PTBP2: variants seen among roughly 807,000 people sequenced by gnomAD.
The protein encoded by PTBP2 is polypyrimidine tract binding protein 2, also known as polypyrimidine tract-binding protein 2.
Under a neutral mutation model 61.4 loss-of-function variants are expected in PTBP2, and 13 were observed. That is an observed-to-expected ratio of 0.21 (90% CI 0.14 to 0.34). The LOEUF is 0.34. Ranked by LOEUF, PTBP2 falls within the 10% of genes least tolerant of loss-of-function variation. The pLI is 1.00. For missense variants in PTBP2, 405 were observed against 642.6 expected (o/e 0.63, Z 4.00); for synonymous variants, 215 against 218.5 (o/e 0.98, Z 0.14).
downstream of PTBP2, chr1:96,816,408 A>C (rs1174589755): frequency 2.6e-5 from 4 of 152,214 alleles, no homozygotes; most frequent in Admixed American, 1.3e-4. Flanking sequence ...CTTAGGACTT[A>C]GCTGCTTTGT....
At chr1:96,794,461 G>A (rs554306184) in intron 8 of PTBP2, among the ~76,000 whole-genome samples, 1 of 152,280 alleles carries the variant, frequency 6.6e-6, no homozygotes, top group South Asian at 2.1e-4. Context: ...TTTCCAGGGA[G>A]GTAAAGGTTA....
intron 10 of PTBP2, 53 bp downstream of exon 10, chr1:96,806,505 C>T (rs1323519874): frequency 1.3e-5 from 20 of 1,534,968 alleles, no homozygotes; most frequent in South Asian, 3.4e-5. Context: ...TTTGTTTCAC[C>T]TTAATTCTTA....
intron 3 of PTBP2, among the ~76,000 whole-genome samples, chr1:96,762,534 G>A (rs1426136677): frequency 5.5e-5 from 8 of 146,458 alleles, no homozygotes; most frequent in African/African-American, 1.5e-4. Context: ...GCGGCTGGCC[G>A]GGCTGGGGGC....
chr1:96,798,521 C>T (rs547855590), intron 8 of PTBP2, among the ~76,000 whole-genome samples: 6 of 152,140 alleles, frequency 3.9e-5, no homozygotes, highest in African/African-American at 1.4e-4. Flanking sequence ...AGAAGTAAGA[C>T]CAAAAGAAAT....
chr1:96,787,144 C>T (rs1233103081), intron 8 of PTBP2, among the ~76,000 whole-genome samples: 1 of 152,186 alleles, frequency 6.6e-6, no homozygotes, highest in African/African-American at 2.4e-5. Flanking sequence ...CCTCAGCCTC[C>T]TGAGCATCTG....
At chr1:96,787,569 C>CTA (rs1659351645) in intron 8 of PTBP2, among the ~76,000 whole-genome samples, 1 of 151,996 alleles carries the variant, frequency 6.6e-6, no homozygotes, top group Non-Finnish European at 1.5e-5. Context: ...GGCTTTTTAA[C>CTA]TATACTCAAA....
chr1:96,793,572 C>T (rs547656241), intron 8 of PTBP2, among the ~76,000 whole-genome samples: 33 of 152,052 alleles, frequency 2.2e-4, no homozygotes, highest in African/African-American at 7.2e-4. Context: ...AGGCTTTCAC[C>T]GTGTTAGCCA....
At chr1:96,802,892 T>C (rs1471012917) in intron 8 of PTBP2, among the ~76,000 whole-genome samples, 1 of 152,220 alleles carries the variant, frequency 6.6e-6, no homozygotes, top group East Asian at 1.9e-4. Flanking sequence ...TCAAATATTC[T>C]GTGCATTCAG....
chr1:96,723,071 AAC>A (rs1649852502), intron 1 of PTBP2, among the ~76,000 whole-genome samples: 1 of 152,208 alleles, frequency 6.6e-6, no homozygotes, highest in Non-Finnish European at 1.5e-5. Context: ...TATAAAAGTT[AAC>A]ACAGTCTCAC....
chr1:96,762,385 CG>C (rs1301628265), intron 3 of PTBP2, among the ~76,000 whole-genome samples: 4 of 148,622 alleles, frequency 2.7e-5, no homozygotes, highest in Non-Finnish European at 6.0e-5. Flanking sequence ...GGCGGCTGGC[CG>C]GGCGGGGGGC....
chr1:96,743,360 G>A (rs1157849494), intron 2 of PTBP2, among the ~76,000 whole-genome samples: 2 of 151,930 alleles, frequency 1.3e-5, no homozygotes, highest in African/African-American at 4.8e-5. Flanking sequence ...ATGTAAACAA[G>A]TTTACCTGAA....
intron 3 of PTBP2, among the ~76,000 whole-genome samples, chr1:96,752,176 T>C (rs1654630655): frequency 6.6e-6 from 1 of 152,112 alleles, no homozygotes; most frequent in Non-Finnish European, 1.5e-5. Context: ...TGTTTAGTTT[T>C]GCTTGAATTG....
intron 8 of PTBP2, among the ~76,000 whole-genome samples, chr1:96,791,826 C>CTTTTTTTTTTTTTTTTTTTGT (rs1659839308): frequency 9.1e-5 from 6 of 66,126 alleles, no homozygotes; most frequent in African/African-American, 3.3e-4. Flanking sequence ...TGGAGTTGTG[C>CTTTTTTTTTTTTTTTTTTTGT]TTTTTTTTTT....
At chr1:96,777,043 T>G (rs372790890) in intron 5 of PTBP2, among the ~76,000 whole-genome samples, 7 of 152,202 alleles carry the variant, frequency 4.6e-5, no homozygotes, top group African/African-American at 9.6e-5. Context: ...GGTTTTGGAC[T>G]AGACTACACG....
chr1:96,764,029 T>G (rs1224361000), intron 3 of PTBP2, among the ~76,000 whole-genome samples: 3 of 152,360 alleles, frequency 2.0e-5, no homozygotes, highest in East Asian at 3.9e-4. Context: ...CAGGATTTCA[T>G]TTTTATGTTC....
At chr1:96,727,357 A>G (rs1216754508) in intron 2 of PTBP2, among the ~76,000 whole-genome samples, 1 of 151,766 alleles carries the variant, frequency 6.6e-6, no homozygotes, top group Non-Finnish European at 1.5e-5. Flanking sequence ...AGTTGTGAAC[A>G]TTACTGTACA....
At chr1:96,788,384 TTTC>T (rs1659431702) in intron 8 of PTBP2, among the ~76,000 whole-genome samples, 1 of 152,048 alleles carries the variant, frequency 6.6e-6, no homozygotes, top group Non-Finnish European at 1.5e-5. Context: ...AAGACACAAT[TTTC>T]TTCTTCATAC....
intron 7 of PTBP2, among the ~76,000 whole-genome samples, chr1:96,784,555 T>A (rs1174977334): frequency 6.6e-6 from 1 of 152,120 alleles, no homozygotes; most frequent in Admixed American, 6.6e-5. Context: ...TTTTGCCTCA[T>A]TTTATGGGAA....
rs540380513 is a variant in PTBP2, at chr1:96,741,809, A to AT, written c.40-9610dup. On this transcript the variant is annotated intron_variant, in intron 2 of 13. Coordinates refer to ENST00000674951, the MANE Select transcript of PTBP2 (RefSeq NM_021190.4). ...TGTAGCATATGTTACAGGTTTAATTATTTTTTCTATATGGATAGCAAGCTT... is the reference window on the plus strand; with the variant it reads ...TGTAGCATATGTTACAGGTTTAATTATTTTTTTCTATATGGATAGCAAGCTT... Among the ~76,000 whole-genome samples, 537 of 152,198 alleles carry AT rather than the reference A, an allele frequency of 3.5e-3. 1 individual carries two copies. The highest frequency in any genetic ancestry group is 0.011 in the African/African-American group (476 of 41,540).
Sources: allele counts gnomAD v4.1 joint callset (sites outside exome capture counted in the v4.1 genomes callset), GRCh38; gene constraint gnomAD v4.1.1; transcripts MANE v1.5; gene names NCBI Gene and HGNC (gene_info 2026-07-23, HGNC 2026-07-21).